AKAIN1: variants seen among roughly 807,000 people sequenced by gnomAD.
The protein encoded by AKAIN1 is A-kinase anchor protein inhibitor 1.
In AKAIN1, 3 loss-of-function variants were observed where a neutral mutation model predicts 3.7. The observed-to-expected ratio is 0.82, with a 90% CI of 0.37 to 2.12. The LOEUF (loss-of-function observed/expected upper bound fraction) is 2.12, where lower values mean the gene tolerates loss of function less well. Ranked by LOEUF, AKAIN1 falls within the 30% of genes most tolerant of loss-of-function variation. The pLI is 0.06. For missense variants in AKAIN1, 82 were observed against 82.7 expected (o/e 0.99, Z 0.03); for synonymous variants, 31 against 30.8 (o/e 1.01, Z -0.02).
intron 1 of AKAIN1, among the ~76,000 whole-genome samples, chr18:5,149,228 A>G (rs1357517616): frequency 2.0e-5 from 3 of 152,234 alleles, no homozygotes; most frequent in African/African-American, 7.2e-5. Flanking sequence ...AGCCTGGAGC[A>G]GAGAAAGAGA....
intron 1 of AKAIN1, among the ~76,000 whole-genome samples, chr18:5,154,849 G>C (rs887159215): frequency 6.6e-6 from 1 of 152,182 alleles, no homozygotes; most frequent in African/African-American, 2.4e-5. Flanking sequence ...GAGTTCAGCG[G>C]CGCTAGCCTG....
intron 1 of AKAIN1, among the ~76,000 whole-genome samples, chr18:5,191,706 G>A (rs1319335266): frequency 1.3e-5 from 2 of 151,956 alleles, no homozygotes; most frequent in East Asian, 1.9e-4. Context: ...AAAAGTTGGA[G>A]GACTTACACT....
At chr18:5,149,885 G>T (rs2071070806) in intron 1 of AKAIN1, among the ~76,000 whole-genome samples, 1 of 151,946 alleles carries the variant, frequency 6.6e-6, no homozygotes, top group South Asian at 2.1e-4. Context: ...TCACTATGTT[G>T]ACCAGCTTGG....
chr18:5,145,457 G>T lies in AKAIN1; in HGVS notation c.*105C>A. The T allele has an allele frequency of 1.2e-6, 1 of 851,750 alleles. No individual in the cohort carries two copies. 52.8% of individuals were successfully genotyped at this position (851,750 alleles called of 1,614,324 possible). ...GTGTGAATTCATTCTACAGCTAGGT[G>T]CCGGTGACACTTCGGTTTGCTTTAC... On this transcript the variant is annotated 3_prime_UTR_variant, in exon 2 of 2. Transcript: ENST00000434239.
intron 1 of AKAIN1, among the ~76,000 whole-genome samples, chr18:5,168,043 T>C (rs2071176472): frequency 6.6e-6 from 1 of 152,120 alleles, no homozygotes; most frequent in South Asian, 2.1e-4. Flanking sequence ...TTCCTTTCCC[T>C]GTACCCAAAC....
intron 1 of AKAIN1, among the ~76,000 whole-genome samples, chr18:5,177,491 CAT>C (rs60652523): frequency 1.5e-4 from 22 of 150,088 alleles, no homozygotes; most frequent in African/African-American, 3.6e-4. Context: ...TTCTATTTTC[CAT>C]ATATATATAT....
At chr18:5,192,385 TTTTC>T (rs34194118) in intron 1 of AKAIN1, among the ~76,000 whole-genome samples, 5,694 of 106,928 alleles carry the variant, frequency 0.053, 134 homozygotes, top group African/African-American at 0.067. Flanking sequence ...ACAGAGCTAA[TTTTC>T]TTTCTTTCTT....
intron 1 of AKAIN1, among the ~76,000 whole-genome samples, chr18:5,192,047 G>A (rs753500820): frequency 7.2e-5 from 11 of 152,082 alleles, no homozygotes; most frequent in African/African-American, 1.4e-4. Context: ...CATTTGTGGC[G>A]TCATGTCAGT....
At chr18:5,156,662 C>T (rs2071110286) in intron 1 of AKAIN1, among the ~76,000 whole-genome samples, 3 of 152,160 alleles carry the variant, frequency 2.0e-5, no homozygotes, top group Admixed American at 1.3e-4. Flanking sequence ...ACAACAGCCT[C>T]CATATTCAGC....
At chr18:5,165,176 C>A (rs765264993) in intron 1 of AKAIN1, among the ~76,000 whole-genome samples, 61 of 151,814 alleles carry the variant, frequency 4.0e-4, no homozygotes, top group Non-Finnish European at 7.7e-4. Context: ...ATAGAGGAAC[C>A]CAGAAAAACA....
chr18:5,194,324 GA>G (rs1444824928), intron 1 of AKAIN1, among the ~76,000 whole-genome samples: 2 of 151,852 alleles, frequency 1.3e-5, no homozygotes, highest in African/African-American at 4.8e-5. Context: ...AGAGAAAGAG[GA>G]AAAAATAGAA....
At position 5,143,438 on chromosome 18, in the gene AKAIN1, T is replaced by C. The variant is rs961267906; in HGVS notation, c.*2124A>G. Reference sequence around the variant, plus strand: ...ACTCTACCTTCCAGACCCACTTACCTTGAATTTTTTAGATCAAAAGACCAC... The same window carrying C: ...ACTCTACCTTCCAGACCCACTTACCCTGAATTTTTTAGATCAAAAGACCAC... On this transcript the variant is annotated 3_prime_UTR_variant, in exon 2 of 2. Coordinates refer to ENST00000434239, the MANE Select transcript of AKAIN1 (RefSeq NM_001145194.2). Among the ~76,000 whole-genome samples the C allele has an allele frequency of 8.5e-5, 13 of 152,180 alleles. No homozygotes were observed. The highest frequency in any genetic ancestry group is 2.4e-4 in the African/African-American group (10 of 41,442).
chr18:5,175,678 TA>T (rs1414303083), intron 1 of AKAIN1, among the ~76,000 whole-genome samples: 1 of 152,170 alleles, frequency 6.6e-6, no homozygotes, highest in East Asian at 1.9e-4. Flanking sequence ...AAGAAATACA[TA>T]ACCATGTACG....
intron 1 of AKAIN1, among the ~76,000 whole-genome samples, chr18:5,172,622 T>G (rs1482415231): frequency 6.6e-6 from 1 of 151,896 alleles, no homozygotes; most frequent in African/African-American, 2.4e-5. Flanking sequence ...TACCAAAGGC[T>G]AAATGATTGC....
intron 1 of AKAIN1, among the ~76,000 whole-genome samples, chr18:5,150,086 G>C (rs994233839): frequency 2.0e-5 from 3 of 152,192 alleles, no homozygotes; most frequent in Admixed American, 1.3e-4. Context: ...CAGCTACTTA[G>C]GAGGAAGGAA....
rs142148930 is a variant in AKAIN1, at chr18:5,176,167, G to A, written c.16+20871C>T. 2.6e-3 allele frequency among the ~76,000 whole-genome samples: 397 copies of A among 152,204 alleles called. 4 individuals are homozygous for A. The highest frequency in any genetic ancestry group is 9.1e-3 in the African/African-American group (378 of 41,534). On this transcript the variant is annotated intron_variant, in intron 1 of 1. Transcript: ENST00000434239. The stretch of plus-strand genomic sequence containing the variant: ...AAAGACTGGTAAATAGGCTGGGCAC[G>A]GTGGCTCACGCATGTAATCCCAGAA...
intron 1 of AKAIN1, among the ~76,000 whole-genome samples, chr18:5,195,978 A>G (rs1397210720): frequency 6.6e-6 from 1 of 152,062 alleles, no homozygotes; most frequent in East Asian, 1.9e-4. Context: ...TGCTCTTCTC[A>G]AGTTTTGCTA....
At chr18:5,155,918 T>C (rs1465053015) in intron 1 of AKAIN1, among the ~76,000 whole-genome samples, 1 of 152,120 alleles carries the variant, frequency 6.6e-6, no homozygotes, top group Non-Finnish European at 1.5e-5. Context: ...ATAGGGAAAA[T>C]CCTTGACTCA....
intron 1 of AKAIN1, among the ~76,000 whole-genome samples, chr18:5,166,985 A>AGAAT (rs1446098848): frequency 6.6e-6 from 1 of 152,108 alleles, no homozygotes; most frequent in African/African-American, 2.4e-5. Context: ...ACATTATTAA[A>AGAAT]GAATGGTCTG....
Sources: gnomAD v4.1 joint callset for allele counts (sites outside exome capture counted in the v4.1 genomes callset) on GRCh38, gnomAD v4.1.1 for gene constraint, MANE v1.5 for transcripts, NCBI Gene and HGNC (gene_info 2026-07-23, HGNC 2026-07-21) for gene names.